ATG7: variants seen among roughly 807,000 people sequenced by gnomAD.
ATG7 encodes autophagy related 7.
Under a neutral mutation model 82.4 loss-of-function variants are expected in ATG7, and 70 were observed. The ratio of observed to expected loss-of-function variants is 0.85; its 90% CI spans 0.70 to 1.04. The LOEUF is 1.04. ATG7 is among the 50% of genes least tolerant of loss of function. The pLI is 0.00. For synonymous variants in ATG7, 287 were observed against 313.0 expected, an observed-to-expected ratio of 0.92 and a Z score of 0.88; for missense variants, 792 against 864.3, an observed-to-expected ratio of 0.92 and a Z score of 1.05.
intron 20 of ATG7, among the ~76,000 whole-genome samples, chr3:11,485,965 T>C (rs1275736684): frequency 1.3e-5 from 2 of 152,168 alleles, no homozygotes; most frequent in African/African-American, 2.4e-5. Context: ...TAGTTTGAAG[T>C]CAGGTAGCGT....
chr3:11,479,848 A>T (rs1332671001), intron 20 of ATG7, among the ~76,000 whole-genome samples: 1 of 151,942 alleles, frequency 6.6e-6, no homozygotes, highest in Non-Finnish European at 1.5e-5. Context: ...GCTGTGTACC[A>T]TTACTAGAAT....
chr3:11,459,965 C>T (rs1049206133), intron 20 of ATG7, among the ~76,000 whole-genome samples: 11 of 152,198 alleles, frequency 7.2e-5, no homozygotes, highest in African/African-American at 2.7e-4. Flanking sequence ...TGCTCTTATC[C>T]ACTGCACCAT....
chr3:11,493,183 G>A (rs2090535853), intron 20 of ATG7, among the ~76,000 whole-genome samples: 1 of 152,064 alleles, frequency 6.6e-6, no homozygotes, highest in Non-Finnish European at 1.5e-5. Flanking sequence ...AGGGGAGCTG[G>A]AAAGGGGGTG....
At chr3:11,523,394 T>A (rs1261863884) in intron 20 of ATG7, among the ~76,000 whole-genome samples, 1 of 152,240 alleles carries the variant, frequency 6.6e-6, no homozygotes, top group African/African-American at 2.4e-5. Flanking sequence ...ATCTGGCCTG[T>A]CTCTAGGCCT....
intron 20 of ATG7, among the ~76,000 whole-genome samples, chr3:11,515,296 G>A (rs1185189887): frequency 9.4e-5 from 3 of 31,864 alleles, no homozygotes; most frequent in Middle Eastern, 0.017. Flanking sequence ...TGTCTCTTGC[G>A]CGTGTGTGTG....
intron 20 of ATG7, among the ~76,000 whole-genome samples, chr3:11,429,261 C>G (rs757833670): frequency 1.3e-5 from 2 of 151,982 alleles, no homozygotes; most frequent in Non-Finnish European, 2.9e-5. Flanking sequence ...TTTGGGAGGC[C>G]GAGGGGGGCA....
At chr3:11,503,120 T>C (rs2091461915) in intron 20 of ATG7, among the ~76,000 whole-genome samples, 1 of 152,020 alleles carries the variant, frequency 6.6e-6, no homozygotes, top group South Asian at 2.1e-4. Flanking sequence ...GGGCAGTCCT[T>C]CTCCAGAGCC....
At chr3:11,508,309 A>G (rs1189178635) in intron 20 of ATG7, among the ~76,000 whole-genome samples, 2 of 151,032 alleles carry the variant, frequency 1.3e-5, no homozygotes, top group African/African-American at 2.4e-5. Flanking sequence ...CCGCACATAA[A>G]ATACACTAAC....
intron 20 of ATG7, among the ~76,000 whole-genome samples, chr3:11,475,909 C>CACTCACACACACACACA (rs1479988312): frequency 9.6e-6 from 1 of 104,698 alleles, no homozygotes; most frequent in African/African-American, 3.2e-5. Flanking sequence ...ACACACACAC[C>CACTCACACACACACACA]CCCTCCCAGA....
intron 19 of ATG7, among the ~76,000 whole-genome samples, chr3:11,411,977 C>CTT (rs34865634): frequency 0.054 from 7,984 of 147,692 alleles, 234 homozygotes; most frequent in African/African-American, 0.085. Context: ...AAAGACTGTC[C>CTT]TTTTTTTTTT....
intron 20 of ATG7, among the ~76,000 whole-genome samples, chr3:11,500,003 TTC>T (rs2091201024): frequency 6.6e-6 from 1 of 152,192 alleles, no homozygotes; most frequent in South Asian, 2.1e-4. Context: ...TTCAGGAGTG[TTC>T]TGAGTTCCCT....
At chr3:11,475,868 G>GACACAC (rs3219674) in intron 20 of ATG7, among the ~76,000 whole-genome samples, 22,916 of 111,018 alleles carry the variant, frequency 0.21, 2,129 homozygotes, top group Non-Finnish European at 0.24. Flanking sequence ...CTGTCTCTGA[G>GACACAC]ACACACACAC....
At position 11,313,314 on chromosome 3, in the gene ATG7, A is replaced by G. The variant is rs1575379995; in HGVS notation, c.422A>G (p.Lys141Arg). ...FLLLTFADLK[K>R]YHFYYWFCYP... ...TACTTTTTTTTCTAGGATCTAAAGA[A>G]GTACCACTTCTACTATTGGTTTTGC... Residue 141 changes from lysine to arginine, a missense_variant, in exon 8 of 21, where the codon AAG becomes AGG. Coordinates refer to ENST00000693202, the MANE Select transcript of ATG7 (RefSeq NM_001349232.2). 1 of 1,600,854 alleles carries G rather than the reference A, an allele frequency of 6.2e-7. No homozygotes were observed. The highest frequency in any genetic ancestry group is 8.5e-7 in the Non-Finnish European group (1 of 1,171,766).
chr3:11,315,826 A>G (rs1949328711), intron 9 of ATG7, among the ~76,000 whole-genome samples: 1 of 152,186 alleles, frequency 6.6e-6, no homozygotes, highest in Non-Finnish European at 1.5e-5. Flanking sequence ...TTCCTGGTTC[A>G]AGCGATTCTC....
chr3:11,515,195 T>TTCTTG (rs2092230376), intron 20 of ATG7, among the ~76,000 whole-genome samples: 1 of 152,158 alleles, frequency 6.6e-6, no homozygotes, highest in Non-Finnish European at 1.5e-5. Flanking sequence ...ATTTTAGTTT[T>TTCTTG]AATTCAAGAA....
chr3:11,553,803 G>A lies in ATG7; in HGVS notation c.2080-1008G>A, dbSNP rs116405488. 6.0e-4 allele frequency among the ~76,000 whole-genome samples: 91 copies of A among 152,264 alleles called. 1 individual carries two copies. Among genetic ancestry groups the A allele is most frequent in the African/African-American group, 1.9e-3 (79 of 41,556 alleles). ...AGGAAATTTCCTTCTATTTATTTTCGACATCCTCGACTTTGAAAGCCAAGC... is the reference window on the plus strand; with the variant it reads ...AGGAAATTTCCTTCTATTTATTTTCAACATCCTCGACTTTGAAAGCCAAGC... On this transcript the variant is annotated intron_variant, in intron 20 of 20. Coordinates refer to ENST00000693202, the MANE Select transcript of ATG7 (RefSeq NM_001349232.2).
intron 20 of ATG7, among the ~76,000 whole-genome samples, chr3:11,494,048 A>G (rs954722786): frequency 6.6e-6 from 1 of 152,202 alleles, no homozygotes; most frequent in Non-Finnish European, 1.5e-5. Flanking sequence ...TGTTACCAAA[A>G]TGCCAGGGAT....
chr3:11,402,620 C>G (rs971916795), intron 19 of ATG7, among the ~76,000 whole-genome samples: 21 of 151,830 alleles, frequency 1.4e-4, no homozygotes, highest in Non-Finnish European at 2.9e-5. Context: ...CCGTGAAAGT[C>G]AAGGCCAGCC....
intron 19 of ATG7, among the ~76,000 whole-genome samples, chr3:11,383,897 A>G (rs953345322): frequency 2.0e-5 from 3 of 152,212 alleles, no homozygotes; most frequent in African/African-American, 7.2e-5. Context: ...TAAAATTTAT[A>G]TATGGTGAAA....
Sources: allele counts gnomAD v4.1 joint callset (sites outside exome capture counted in the v4.1 genomes callset), GRCh38; gene constraint gnomAD v4.1.1; transcripts MANE v1.5; gene names NCBI Gene and HGNC (gene_info 2026-07-23, HGNC 2026-07-21).